Variants in ZNF516 observed in about 807,000 individuals in gnomAD.
The protein encoded by ZNF516 is zinc finger protein 516.
In ZNF516, 19 loss-of-function variants were observed where a neutral mutation model predicts 79.7. The ratio of observed to expected loss-of-function variants is 0.24; its 90% CI spans 0.17 to 0.35. The LOEUF (loss-of-function observed/expected upper bound fraction) is 0.35, where lower values mean the gene tolerates loss of function less well. ZNF516 is among the 10% of genes least tolerant of loss of function. ZNF516 has a pLI of 1.00. For synonymous variants in ZNF516, 877 were observed against 739.5 expected, an observed-to-expected ratio of 1.19 and a Z score of -3.02; for missense variants, 1,678 against 1,679.5, an observed-to-expected ratio of 1.00 and a Z score of 0.02.
intron 3 of ZNF516, among the ~76,000 whole-genome samples, chr18:76,389,811 A>G (rs2075045496): frequency 6.6e-6 from 1 of 152,220 alleles, no homozygotes; most frequent in African/African-American, 2.4e-5. Flanking sequence ...TTACACAGCC[A>G]TCACTGCCCG....
In ZNF516 at chr18:76,362,480, T is replaced by G. The variant is rs1255135810; in HGVS notation, c.*18A>C. 6.2e-7 allele frequency: 1 copy of G among 1,611,090 alleles called. No individual in the cohort carries two copies. The highest frequency in any genetic ancestry group is 2.2e-5 in the East Asian group (1 of 44,800). On this transcript the variant is annotated 3_prime_UTR_variant, in exon 7 of 7. Coordinates refer to ENST00000443185, the MANE Select transcript of ZNF516 (RefSeq NM_014643.4). ...TAATGGCCGTTACGGGGACCTGGGG[T>G]GCGTCGGAAACACGCCTTTAGGTTC...
intron 3 of ZNF516, among the ~76,000 whole-genome samples, chr18:76,422,099 C>T (rs772339841): frequency 1.3e-5 from 2 of 152,328 alleles, no homozygotes; most frequent in South Asian, 2.1e-4. Context: ...GCCAGGGTAT[C>T]TATGCTAGTA....
At position 76,456,911 on chromosome 18, in the gene ZNF516, C is replaced by CATTAA. The variant is rs1912763433; in HGVS notation, c.-158+6112_-158+6116dup. Among the ~76,000 whole-genome samples, 4 of 152,346 alleles carry CATTAA rather than the reference C, an allele frequency of 2.6e-5. No individual in the cohort carries two copies. In the South Asian group the frequency reaches 8.3e-4, roughly 32 times the overall value. The stretch of plus-strand genomic sequence containing the variant: ...GTTGTTTTCCAAAATCACTTTGCTG[C>CATTAA]ATTAAATATGCATCTGTTATATTGT... On this transcript the variant is annotated intron_variant, in intron 2 of 6. Coordinates refer to ENST00000443185, the MANE Select transcript of ZNF516 (RefSeq NM_014643.4).
chr18:76,397,556 T>C (rs116599840), intron 3 of ZNF516, among the ~76,000 whole-genome samples: 1,653 of 152,346 alleles, frequency 0.011, 32 homozygotes, highest in African/African-American at 0.038. Flanking sequence ...AAGTATGTTA[T>C]CTGTGTTAAC....
chr18:76,375,615 T>A (rs1350690790), intron 4 of ZNF516, among the ~76,000 whole-genome samples: 2 of 101,060 alleles, frequency 2.0e-5, no homozygotes, highest in Admixed American at 2.0e-4. Context: ...CCAGGTCTCC[T>A]GTCCTGGGAG....
chr18:76,480,693 T>C (rs1914475934), intron 1 of ZNF516, among the ~76,000 whole-genome samples: 1 of 152,080 alleles, frequency 6.6e-6, no homozygotes. Context: ...CAGTTAATTT[T>C]GTATTTTTAG....
intron 1 of ZNF516, among the ~76,000 whole-genome samples, chr18:76,470,096 T>G (rs925573552): frequency 6.6e-6 from 1 of 152,184 alleles, no homozygotes; most frequent in African/African-American, 2.4e-5. Flanking sequence ...ATAAACTGTT[T>G]AAAAACAAAA....
chr18:76,441,870 G>C lies in ZNF516; in HGVS notation c.1185C>G (p.Gly395=). 1 of 1,582,894 alleles carries C rather than the reference G, an allele frequency of 6.3e-7. No individual in the cohort carries two copies. Among genetic ancestry groups the C allele is most frequent in the Non-Finnish European group, 8.5e-7 (1 of 1,170,858 alleles). Residue 395 remains glycine, a synonymous_variant, in exon 3 of 7, where the codon GGC becomes GGG. Coordinates refer to ENST00000443185, the MANE Select transcript of ZNF516 (RefSeq NM_014643.4). ...QCLNLRPSAA[G]DSCPGTQAGR... is the part of the protein sequence containing the mutation. ...CGGCCTGCGTGCCAGGGCACGAGTC[G>C]CCGGCCGCCGACGGCCTCAGGTTCA...
chr18:76,422,606 A>C (rs1317769370), intron 3 of ZNF516, among the ~76,000 whole-genome samples: 1 of 152,204 alleles, frequency 6.6e-6, no homozygotes, highest in Non-Finnish European at 1.5e-5. Flanking sequence ...CCACTTAAAC[A>C]GAAAGGGGTT....
intron 3 of ZNF516, among the ~76,000 whole-genome samples, chr18:76,425,093 C>T (rs1013457757): frequency 6.6e-6 from 1 of 152,048 alleles, no homozygotes; most frequent in African/African-American, 2.4e-5. Context: ...AAGTCACAAC[C>T]TCCCCTGACT....
Position 76,397,020 on chromosome 18 carries a change from G to A in ZNF516, c.1811-16717C>T, listed in dbSNP as rs149134154. 1.6e-4 allele frequency among the ~76,000 whole-genome samples: 25 copies of A among 152,314 alleles called. No individual in the cohort carries two copies. In the East Asian group the frequency reaches 4.6e-3, roughly 28 times the overall value. The stretch of plus-strand genomic sequence containing the variant: ...GAAACACAAAAAAATAACCCAGACA[G>A]ACTCAGTGCTTCAGAGGGACACAAG... On this transcript the variant is annotated intron_variant, in intron 3 of 6. Coordinates refer to ENST00000443185, the MANE Select transcript of ZNF516 (RefSeq NM_014643.4).
chr18:76,362,261 T>C lies in ZNF516; in HGVS notation c.*237A>G, dbSNP rs1355164895. ...TGAGCACGTAAATGCGTATATAGTA[T>C]CTACATGTATTTCTAGAATATAGCA... is the stretch of plus-strand genomic sequence containing the variant. On this transcript the variant is annotated 3_prime_UTR_variant, in exon 7 of 7. Transcript: ENST00000443185. 4 of 506,656 alleles carry C rather than the reference T, an allele frequency of 7.9e-6. No individual in the cohort carries two copies. The highest frequency in any genetic ancestry group is 1.4e-5 in the Non-Finnish European group (4 of 279,142). 31.4% of individuals were successfully genotyped at this position (506,656 alleles called of 1,614,324 possible).
At chr18:76,431,484 G>A (rs1330991236) in intron 3 of ZNF516, among the ~76,000 whole-genome samples, 1 of 152,220 alleles carries the variant, frequency 6.6e-6, no homozygotes, top group Admixed American at 6.5e-5. Context: ...GGAAGGTCCT[G>A]TGCCCGGCAT....
chr18:76,369,357 G>C (rs1335765689), intron 6 of ZNF516, among the ~76,000 whole-genome samples: 1 of 152,036 alleles, frequency 6.6e-6, no homozygotes, highest in Admixed American at 6.5e-5. Context: ...AAGGGTTTTT[G>C]TCAACAATAC....
intron 1 of ZNF516, chr18:76,491,624 C>A: frequency 3.1e-6 from 2 of 652,666 alleles, no homozygotes; most frequent in Non-Finnish European, 3.8e-6. Flanking sequence ...CTTCCCGCCC[C>A]GCCCACGGCC....
At chr18:76,452,840 A>G (rs1912498276) in intron 2 of ZNF516, among the ~76,000 whole-genome samples, 1 of 152,238 alleles carries the variant, frequency 6.6e-6, no homozygotes, top group Non-Finnish European at 1.5e-5. Flanking sequence ...AGAAAAGTCC[A>G]AGAAAAAATG....
chr18:76,366,469 A>G lies in ZNF516; in HGVS notation c.3433-3912T>C, dbSNP rs377548743. On this transcript the variant is annotated intron_variant, in intron 6 of 6. Coordinates refer to ENST00000443185, the MANE Select transcript of ZNF516 (RefSeq NM_014643.4). The stretch of plus-strand genomic sequence containing the variant: ...TTCCTGCATCCTCTCTTTAATGAAT[A>G]ATTAACGACAAGTCTCTTAAACCAA... 3.9e-5 allele frequency among the ~76,000 whole-genome samples: 6 copies of G among 152,324 alleles called. No homozygotes were observed. In the South Asian group the frequency reaches 1.2e-3, roughly 32 times the overall value.
intron 6 of ZNF516, among the ~76,000 whole-genome samples, chr18:76,363,576 CA>C (rs1397434383): frequency 3.3e-5 from 5 of 152,132 alleles, no homozygotes; most frequent in African/African-American, 1.2e-4. Flanking sequence ...GTGGTGGAGA[CA>C]GCAGTTTATT....
At position 76,493,118 on chromosome 18, in the gene ZNF516, CT is replaced by C. The variant is rs1915333846; in HGVS notation, c.-272+2025del. ...TTCCTTTTTTTTTTTTCCTCCTCTCCTCCCTACCGTTTCATTTAATGGTAAA... is the reference window on the plus strand; with the variant it reads ...TTCCTTTTTTTTTTTTCCTCCTCTCCCCCTACCGTTTCATTTAATGGTAAA... On this transcript the variant is annotated intron_variant, in intron 1 of 6. Coordinates refer to ENST00000443185, the MANE Select transcript of ZNF516 (RefSeq NM_014643.4). The surrounding 1 kb of genome is among the most constrained non-coding windows in gnomAD (Gnocchi z 5.2). The C allele has an allele frequency of 1.0e-6, 1 of 985,026 alleles. No homozygotes were observed. The allele number at this position is 985,026 out of a possible 1,614,324, so 61.0% of individuals were successfully genotyped here. A position where few individuals can be genotyped will look rare whatever the true frequency, so the allele number is the denominator to read the frequency against.
Sources: allele counts gnomAD v4.1 joint callset (sites outside exome capture counted in the v4.1 genomes callset), GRCh38; gene constraint gnomAD v4.1.1; non-coding constraint Gnocchi (gnomAD v3.1); transcripts MANE v1.5; gene names NCBI Gene and HGNC (gene_info 2026-07-23, HGNC 2026-07-21).